RPRD2: variants seen among roughly 807,000 people sequenced by gnomAD.
RPRD2 encodes regulation of nuclear pre-mRNA domain containing 2, also known as regulation of nuclear pre-mRNA domain-containing protein 2.
Under a neutral mutation model 104.4 loss-of-function variants are expected in RPRD2, and 12 were observed. The ratio of observed to expected loss-of-function variants is 0.11; its 90% CI spans 0.07 to 0.19. The LOEUF is 0.19. RPRD2 is among the 10% of genes least tolerant of loss of function. RPRD2 has a pLI of 1.00. For missense variants in RPRD2, 1,543 were observed against 1,790.1 expected, an observed-to-expected ratio of 0.86 and a Z score of 2.49; for synonymous variants, 714 against 684.9, an observed-to-expected ratio of 1.04 and a Z score of -0.66.
At chr1:150,402,511 C>T (rs1036189119) in intron 1 of RPRD2, among the ~76,000 whole-genome samples, 5 of 151,956 alleles carry the variant, frequency 3.3e-5, no homozygotes, top group Admixed American at 3.3e-4. Context: ...GACCTTCTCT[C>T]TACACAAAAA....
At chr1:150,377,613 AC>A (rs1317594617) in intron 1 of RPRD2, among the ~76,000 whole-genome samples, 17 of 151,710 alleles carry the variant, frequency 1.1e-4, no homozygotes, top group African/African-American at 3.1e-4. Context: ...AAAAAAAAAA[AC>A]ATTTAGTAAG....
chr1:150,455,523 C>A (rs1429945995), intron 7 of RPRD2, among the ~76,000 whole-genome samples: 1 of 150,462 alleles, frequency 6.6e-6, no homozygotes, highest in East Asian at 2.0e-4. Context: ...GAAAGAAAGT[C>A]CAGCAAAGTG....
At position 150,364,210 on chromosome 1, in the gene RPRD2, C is replaced by T. The variant is rs978770986; in HGVS notation, c.-505C>T. Among the ~76,000 whole-genome samples, 10 of 152,172 alleles carry T rather than the reference C, an allele frequency of 6.6e-5. No individual in the cohort carries two copies. Among genetic ancestry groups the T allele is most frequent in the Admixed American group, 5.2e-4 (8 of 15,276 alleles). Reference sequence around the variant, plus strand: ...AAATCCTGACTAGGTAGCCTTGGACCTTTTCTGTGCTAGCGAGTCTAAAGG... The same window carrying T: ...AAATCCTGACTAGGTAGCCTTGGACTTTTTCTGTGCTAGCGAGTCTAAAGG... On this transcript the variant is annotated 5_prime_UTR_variant, in exon 1 of 11. Transcript: ENST00000369068.
intron 7 of RPRD2, among the ~76,000 whole-genome samples, chr1:150,449,906 T>C (rs1667039191): frequency 6.6e-6 from 1 of 152,220 alleles, no homozygotes; most frequent in Non-Finnish European, 1.5e-5. Context: ...TTGGATCTCA[T>C]TGTTGTGTTC....
Position 150,473,088 on chromosome 1 carries a change from C to A in RPRD2, c.4140C>A (p.Gly1380=), listed in dbSNP as rs962958808. Residue 1380 remains glycine, a synonymous_variant, in exon 11 of 11, where the codon GGC becomes GGA. Transcript: ENST00000369068. ...CCTCCCATTCTCTGGAACACCTGGG[C>A]CCACCCCATGGAGGAGGAGGTGGGG... ...TLPSHSLEHL[G]PPHGGGGGGG... 2 of 1,613,892 alleles carry A rather than the reference C, an allele frequency of 1.2e-6. No individual in the cohort carries two copies. Among genetic ancestry groups the A allele is most frequent in the Admixed American group, 1.7e-5 (1 of 60,008 alleles).
intron 4 of RPRD2, 22 bp downstream of exon 4, chr1:150,441,980 A>C: frequency 6.4e-7 from 1 of 1,554,924 alleles, no homozygotes; most frequent in South Asian, 1.1e-5. Context: ...AATCTCAACT[A>C]ATATAAAATT....
At position 150,471,836 on chromosome 1, in the gene RPRD2, C is replaced by T; in HGVS notation, c.2888C>T (p.Pro963Leu). 1.9e-6 allele frequency: 3 copies of T among 1,613,942 alleles called. No homozygotes were observed. Among genetic ancestry groups the T allele is most frequent in the African/African-American group, 1.3e-5 (1 of 75,022 alleles). ...GHLSLPQKQYPDSPHPVPHRS... is the reference protein window; with the variant it reads ...GHLSLPQKQYLDSPHPVPHRS... ...CTCAGTTTGCCACAGAAGCAGTACC[C>T]AGACTCTCCTCACCCAGTCCCACAT... Residue 963 changes from proline to leucine, a missense_variant, in exon 11 of 11, where the codon CCA (proline) becomes CTA (leucine). Pro to Leu is a moderately conservative substitution (Grantham distance 98). Transcript: ENST00000369068. This position sits in a 1 kb window ranked among gnomAD's most constrained non-coding sequence, Gnocchi z 5.3.
intron 1 of RPRD2, among the ~76,000 whole-genome samples, chr1:150,395,826 A>G (rs987257992): frequency 1.4e-4 from 22 of 152,294 alleles, no homozygotes; most frequent in African/African-American, 5.1e-4. Context: ...TCTTTTTCAT[A>G]TAATGACTTC....
chr1:150,365,789 T>C (rs587769997), intron 1 of RPRD2, among the ~76,000 whole-genome samples: 17 of 152,126 alleles, frequency 1.1e-4, no homozygotes, highest in Admixed American at 2.0e-4. Context: ...CGGGGTTTCA[T>C]CATTGTGGCC....
chr1:150,455,176 A>G (rs1024508286), intron 7 of RPRD2, among the ~76,000 whole-genome samples: 4 of 152,178 alleles, frequency 2.6e-5, no homozygotes, highest in Non-Finnish European at 4.4e-5. Context: ...ATACCTGACC[A>G]GTACTCTTGA....
In RPRD2 at chr1:150,471,518, T is replaced by C. The variant is rs1668586099; in HGVS notation, c.2570T>C (p.Ile857Thr). ...MNLEKKPAKSILKSSKLSDTT... is the reference protein window; with the variant it reads ...MNLEKKPAKSTLKSSKLSDTT... ...CTAGAGAAGAAACCAGCCAAATCTA[T>C]CCTGAAATCAAGCAAGCTGTCTGAT... Residue 857 changes from isoleucine to threonine, a missense_variant, in exon 11 of 11, where the codon ATC (isoleucine) becomes ACC (threonine). This residue lies in a region of RPRD2 where 880 missense variants were observed against 885.6 expected (regional missense o/e 0.99). Transcript: ENST00000369068. The surrounding 1 kb of genome is among the most constrained non-coding windows in gnomAD (Gnocchi z 5.3). 1 of 1,613,718 alleles carries C rather than the reference T, an allele frequency of 6.2e-7. No homozygotes were observed. The highest frequency in any genetic ancestry group is 8.5e-7 in the Non-Finnish European group (1 of 1,179,830).
rs1474666770 is a variant in RPRD2 at position 150,457,557 on chromosome 1, G to A, written c.1140G>A (p.Gly380=). 1.5e-5 allele frequency: 25 copies of A among 1,613,482 alleles called. No individual in the cohort carries two copies. In the Admixed American group the frequency reaches 3.8e-4, roughly 25 times the overall value. The part of the protein sequence containing the change: ...DMELSDVEDD[G]SKIIVEDRKE... ...AACTCTCAGATGTGGAAGATGATGG[G>A]TCAAAAATCATTGGTATGTCTTTAT... is the stretch of plus-strand genomic sequence containing the variant. Residue 380 remains glycine, a synonymous_variant, in exon 8 of 11, where the codon GGG becomes GGA. Transcript: ENST00000369068.
At chr1:150,405,247 C>A in intron 1 of RPRD2, among the ~76,000 whole-genome samples, 1 of 152,006 alleles carries the variant, frequency 6.6e-6, no homozygotes, top group Admixed American at 6.6e-5. Context: ...TGGATTGATA[C>A]CTTATGAATG....
Position 150,470,845 on chromosome 1 carries a change from G to C in RPRD2, c.1897G>C (p.Ala633Pro), listed in dbSNP as rs747316864. 3 of 1,613,960 alleles carry C rather than the reference G, an allele frequency of 1.9e-6. No homozygotes were observed. Among genetic ancestry groups the C allele is most frequent in the South Asian group, 2.2e-5 (2 of 91,088 alleles). Reference protein sequence around the residue: ...KLPSNSLGFTATHNTSPAAPP... With the variant: ...KLPSNSLGFTPTHNTSPAAPP... ...ACCTTCCAACTCTTTGGGGTTTACA[G>C]CTACCCACAATACTAGCCCTGCTGC... Residue 633 changes from alanine to proline, a missense_variant, in exon 11 of 11, where the codon GCT becomes CCT. Ala to Pro is a conservative substitution (Grantham distance 27, BLOSUM62 -1). Transcript: ENST00000369068.
intron 2 of RPRD2, among the ~76,000 whole-genome samples, chr1:150,426,050 G>A (rs1665098975): frequency 6.6e-6 from 1 of 152,144 alleles, no homozygotes; most frequent in Admixed American, 6.6e-5. Context: ...ACAGTGAGCT[G>A]TGGTGGTGTC....
chr1:150,365,630 C>T (rs1433644783), intron 1 of RPRD2, among the ~76,000 whole-genome samples: 1 of 152,116 alleles, frequency 6.6e-6, no homozygotes, highest in Non-Finnish European at 1.5e-5. Flanking sequence ...GCTCTTGTCG[C>T]CCAGGCTGGA....
chr1:150,461,535 T>C (rs1394773347), intron 9 of RPRD2, among the ~76,000 whole-genome samples: 1 of 152,164 alleles, frequency 6.6e-6, no homozygotes, highest in Non-Finnish European at 1.5e-5. Context: ...ACTTAGTATG[T>C]TTCCAGTTTT....
At chr1:150,466,545 A>G (rs1450809781) in intron 10 of RPRD2, among the ~76,000 whole-genome samples, 2 of 88,846 alleles carry the variant, frequency 2.3e-5, no homozygotes, top group East Asian at 2.0e-4. Context: ...CCCTGCCTCA[A>G]AAAAAAAAAA....
chr1:150,378,510 A>G (rs1437032357), intron 1 of RPRD2, among the ~76,000 whole-genome samples: 1 of 152,140 alleles, frequency 6.6e-6, no homozygotes, highest in Admixed American at 6.6e-5. Context: ...AGTGTGGTAT[A>G]TACAGGATAA....
Sources: allele counts gnomAD v4.1 joint callset (sites outside exome capture counted in the v4.1 genomes callset), GRCh38; gene constraint gnomAD v4.1.1; regional missense constraint gnomAD v4.1.1; non-coding constraint Gnocchi (gnomAD v3.1); transcripts MANE v1.5; gene names NCBI Gene and HGNC (gene_info 2026-07-23, HGNC 2026-07-21).